SLC24A2: variants seen among roughly 807,000 people sequenced by gnomAD.
SLC24A2 encodes the protein solute carrier family 24 member 2, also known as sodium/potassium/calcium exchanger 2.
Under a neutral mutation model 62.0 loss-of-function variants are expected in SLC24A2, and 36 were observed. The ratio of observed to expected loss-of-function variants is 0.58; its 90% CI spans 0.44 to 0.77. SLC24A2 has a LOEUF of 0.77. Ranked by LOEUF, SLC24A2 falls within the 30% of genes least tolerant of loss-of-function variation. The probability of loss-of-function intolerance (pLI) is 0.00; values close to 1 mark genes in which losing one functional copy is unlikely to be tolerated. For synonymous variants in SLC24A2, 358 were observed against 294.0 expected (o/e 1.22, Z -2.23); for missense variants, 846 against 817.9 (o/e 1.03, Z -0.42).
intron 2 of SLC24A2, among the ~76,000 whole-genome samples, chr9:19,623,199 T>G (rs76977544): frequency 0.01 from 1,576 of 152,194 alleles, 39 homozygotes; most frequent in East Asian, 0.097. Flanking sequence ...GAGATACAGG[T>G]GCCTGGTGAA....
At chr9:19,726,574 C>G (rs112333025) in intron 2 of SLC24A2, among the ~76,000 whole-genome samples, 31 of 152,294 alleles carry the variant, frequency 2.0e-4, no homozygotes, top group African/African-American at 6.5e-4. Context: ...CTTCTCCAAA[C>G]TGAACAGAGT....
chr9:20,155,171 G>A, the SLC24A2 span, among the ~76,000 whole-genome samples: 2 of 151,330 alleles, frequency 1.3e-5, 1 homozygote, highest in Non-Finnish European at 3.0e-5. Flanking sequence ...AACTAGGGTG[G>A]CAATTAGCTG....
At chr9:20,206,375 A>G in the SLC24A2 span, among the ~76,000 whole-genome samples, 1 of 152,250 alleles carries the variant, frequency 6.6e-6, no homozygotes. Context: ...GAGACTTGCA[A>G]AAATGTAAAA....
intron 5 of SLC24A2, among the ~76,000 whole-genome samples, chr9:19,587,355 T>C (rs1235624707): frequency 2.0e-5 from 3 of 152,238 alleles, no homozygotes; most frequent in African/African-American, 7.2e-5. Context: ...CCCTATTTTG[T>C]GAACTTATAG....
chr9:19,885,936 T>C, the SLC24A2 span, among the ~76,000 whole-genome samples: 1 of 152,198 alleles, frequency 6.6e-6, no homozygotes, highest in Admixed American at 6.5e-5. Context: ...TCTCATTCTT[T>C]TTTATGACTG....
chr9:19,941,607 GAGAA>G, the SLC24A2 span, among the ~76,000 whole-genome samples: 48 of 151,872 alleles, frequency 3.2e-4, no homozygotes, highest in African/African-American at 1.1e-3. Flanking sequence ...GAGAGAGAGA[GAGAA>G]AGAGAGAGTT....
intron 7 of SLC24A2, among the ~76,000 whole-genome samples, chr9:19,565,835 G>A (rs1345009482): frequency 6.6e-6 from 1 of 151,976 alleles, no homozygotes; most frequent in Non-Finnish European, 1.5e-5. Context: ...TCTGATCTTT[G>A]ACAAACATGA....
chr9:20,125,078 C>T, the SLC24A2 span, among the ~76,000 whole-genome samples: 1 of 152,088 alleles, frequency 6.6e-6, no homozygotes, highest in Non-Finnish European at 1.5e-5. Flanking sequence ...TGCCATGAGG[C>T]TTTAATGAAT....
At chr9:19,668,487 C>T (rs1819321274) in intron 2 of SLC24A2, among the ~76,000 whole-genome samples, 1 of 152,190 alleles carries the variant, frequency 6.6e-6, no homozygotes, top group South Asian at 2.1e-4. Context: ...TCTTTGTTCT[C>T]CTCTACCTGT....
At chr9:20,235,181 A>G in the SLC24A2 span, among the ~76,000 whole-genome samples, 1 of 152,202 alleles carries the variant, frequency 6.6e-6, no homozygotes, top group African/African-American at 2.4e-5. Flanking sequence ...TCAGGGACCC[A>G]CTTGAGGAGG....
At chr9:20,295,251 T>G in the SLC24A2 span, among the ~76,000 whole-genome samples, 1 of 152,074 alleles carries the variant, frequency 6.6e-6, no homozygotes. Context: ...ATACCAAATG[T>G]TGAAATCTTG....
At chr9:19,624,011 AC>A (rs1169069867) in intron 2 of SLC24A2, among the ~76,000 whole-genome samples, 1 of 152,212 alleles carries the variant, frequency 6.6e-6, no homozygotes, top group Non-Finnish European at 1.5e-5. Flanking sequence ...TGCTTGCAGA[AC>A]TGGAGTGGAC....
the SLC24A2 span, among the ~76,000 whole-genome samples, chr9:20,037,401 A>G: frequency 4.6e-5 from 7 of 152,268 alleles, no homozygotes; most frequent in African/African-American, 1.7e-4. Context: ...ACAGATACTG[A>G]GGGCTGACTG....
chr9:19,671,113 G>A (rs984432313), intron 2 of SLC24A2, among the ~76,000 whole-genome samples: 5 of 65,890 alleles, frequency 7.6e-5, no homozygotes, highest in South Asian at 7.4e-4. Flanking sequence ...GATGGAAATC[G>A]CGTTGAATTT....
rs145450023 is a variant in SLC24A2, at chr9:19,781,774, T to A, written c.930+4163A>T. On this transcript the variant is annotated intron_variant, in intron 2 of 10. Transcript: ENST00000341998. ...TATTTAATATAAGGACCATCTTACCTACTTTGAAGTTTGTATATTAATTTT... is the reference window on the plus strand; with the variant it reads ...TATTTAATATAAGGACCATCTTACCAACTTTGAAGTTTGTATATTAATTTT... Among the ~76,000 whole-genome samples the A allele has an allele frequency of 3.3e-5, 5 of 152,350 alleles. No individual in the cohort carries two copies. In the East Asian group the frequency reaches 9.6e-4, roughly 29 times the overall value.
chr9:20,232,927 C>T, the SLC24A2 span, among the ~76,000 whole-genome samples: 1 of 152,100 alleles, frequency 6.6e-6, no homozygotes, highest in African/African-American at 2.4e-5. Flanking sequence ...TATGTGGTGT[C>T]TTTGTTCTCG....
chr9:19,544,731 T>G lies in SLC24A2; in HGVS notation c.1479+5406A>C, dbSNP rs113079076. 8.7e-4 allele frequency among the ~76,000 whole-genome samples: 133 copies of G among 152,278 alleles called. 1 individual carries two copies. The highest frequency in any genetic ancestry group is 3.0e-3 in the African/African-American group (126 of 41,558). On this transcript the variant is annotated intron_variant, in intron 8 of 10. Coordinates refer to ENST00000341998, the MANE Select transcript of SLC24A2 (RefSeq NM_020344.4). ...TATGAAATTCTGGGTTGAAAATTCTTTTAAGAATGTTGAATATTGGCCCCC... is the reference window on the plus strand; with the variant it reads ...TATGAAATTCTGGGTTGAAAATTCTGTTAAGAATGTTGAATATTGGCCCCC...
At chr9:20,118,725 G>A in the SLC24A2 span, among the ~76,000 whole-genome samples, 2 of 152,020 alleles carry the variant, frequency 1.3e-5, no homozygotes, top group Non-Finnish European at 2.9e-5. Flanking sequence ...AACACAACCT[G>A]ATAAAGACAT....
intron 2 of SLC24A2, among the ~76,000 whole-genome samples, chr9:19,628,957 A>C (rs1433963555): frequency 6.6e-6 from 1 of 152,206 alleles, no homozygotes; most frequent in Non-Finnish European, 1.5e-5. Flanking sequence ...ATTTTTTAAA[A>C]AGGTCTAACA....
Sources: gnomAD v4.1 joint callset for allele counts (sites outside exome capture counted in the v4.1 genomes callset) on GRCh38, gnomAD v4.1.1 for gene constraint, MANE v1.5 for transcripts, NCBI Gene and HGNC (gene_info 2026-07-23, HGNC 2026-07-21) for gene names.